Variants in SYCP2 observed in about 807,000 individuals in gnomAD.
SYCP2 encodes the protein synaptonemal complex protein 2.
SYCP2 carries 55 observed loss-of-function variants against 211.3 expected under a neutral mutation model. That is an observed-to-expected ratio of 0.26 (90% CI 0.21 to 0.33). The LOEUF is 0.33. Among genes scored for constraint, SYCP2 ranks in the 10% least tolerant of loss-of-function variants. The pLI is 1.00. For missense variants in SYCP2, 1,731 were observed against 1,752.0 expected (o/e 0.99, Z 0.21); for synonymous variants, 570 against 555.2 (o/e 1.03, Z -0.37).
Position 59,919,486 on chromosome 20 carries a change from T to C in SYCP2, c.402+7A>G. 6.4e-7 allele frequency: 1 copy of C among 1,551,616 alleles called. No individual in the cohort carries two copies. Reference sequence around the variant, plus strand: ...ATAAATATCAGTGTAATCAATGTGATTTTTACCAGCAGAAGATCAACTAAG... The same window carrying C: ...ATAAATATCAGTGTAATCAATGTGACTTTTACCAGCAGAAGATCAACTAAG... On this transcript the variant is annotated splice_region_variant and intron_variant, in intron 6 of 44. Transcript: ENST00000357552.
chr20:59,880,867 A>C (rs2059664333), intron 30 of SYCP2, 99 bp downstream of exon 30: 2 of 597,720 alleles, frequency 3.3e-6, no homozygotes, highest in Non-Finnish European at 5.5e-6. Context: ...TAAATAAAAC[A>C]ATCAAAATGT....
At chr20:59,891,019 T>TA (rs2059896643) in intron 24 of SYCP2, among the ~76,000 whole-genome samples, 1 of 151,844 alleles carries the variant, frequency 6.6e-6, no homozygotes, top group African/African-American at 2.4e-5. Context: ...GCTGCAGGTG[T>TA]AAAAAATATT....
intron 15 of SYCP2, among the ~76,000 whole-genome samples, chr20:59,903,368 C>T (rs1242998075): frequency 2.0e-5 from 3 of 152,056 alleles, no homozygotes; most frequent in African/African-American, 7.2e-5. Context: ...AGAGTAAAAA[C>T]TATTCTCTCA....
intron 29 of SYCP2, among the ~76,000 whole-genome samples, 170 bp downstream of exon 29, chr20:59,881,267 T>A (rs1205785461): frequency 6.6e-6 from 1 of 151,738 alleles, no homozygotes; most frequent in Non-Finnish European, 1.5e-5. Context: ...AAGTGATAAT[T>A]TGCATATTAA....
At chr20:59,876,531 G>A (rs928655643) in intron 33 of SYCP2, among the ~76,000 whole-genome samples, 5 of 151,556 alleles carry the variant, frequency 3.3e-5, no homozygotes, top group Non-Finnish European at 7.4e-5. Flanking sequence ...ACACTGTACT[G>A]TTCAGAAACC....
At chr20:59,899,846 A>C (rs1416256390) in intron 18 of SYCP2, among the ~76,000 whole-genome samples, 3 of 152,198 alleles carry the variant, frequency 2.0e-5, no homozygotes, top group Non-Finnish European at 2.9e-5. Context: ...CATTATAGCC[A>C]AATGCAATTA....
At chr20:59,872,870 C>G (rs1004980984) in intron 35 of SYCP2, among the ~76,000 whole-genome samples, 1 of 151,938 alleles carries the variant, frequency 6.6e-6, no homozygotes, top group African/African-American at 2.4e-5. Context: ...ACAAAAATTA[C>G]AAGTTGACAA....
At chr20:59,867,590 A>C in intron 39 of SYCP2, 121 bp downstream of exon 39, 2 of 733,190 alleles carry the variant, frequency 2.7e-6, no homozygotes, top group South Asian at 3.9e-5. Context: ...ACATATAAGG[A>C]AAGTTGGTTT....
At chr20:59,902,760 C>G (rs1238071965) in intron 15 of SYCP2, among the ~76,000 whole-genome samples, 1 of 152,100 alleles carries the variant, frequency 6.6e-6, no homozygotes, top group Non-Finnish European at 1.5e-5. Flanking sequence ...TTTGAAGGTA[C>G]TAAGAATTAA....
In SYCP2 at chr20:59,899,991, A is replaced by C. The variant is rs532396681; in HGVS notation, c.1404+147T>G. 4 of 853,092 alleles carry C rather than the reference A, an allele frequency of 4.7e-6. No homozygotes were observed. The South Asian group carries it at 6.6e-5, about 14-fold the overall frequency. The allele number at this position is 853,092 out of a possible 1,614,324, so 52.8% of individuals were successfully genotyped here. ...AAGACACACACTATCTTTTGTTTGC[A>C]TTTGTCAAAGGTAGGAGAAACACTC... is the stretch of plus-strand genomic sequence containing the variant. On this transcript the variant is annotated intron_variant, in intron 18 of 44. Coordinates refer to ENST00000357552, the MANE Select transcript of SYCP2 (RefSeq NM_014258.4).
chr20:59,909,777 G>A (rs922150158), intron 14 of SYCP2, among the ~76,000 whole-genome samples: 1 of 151,990 alleles, frequency 6.6e-6, no homozygotes, highest in Non-Finnish European at 1.5e-5. Flanking sequence ...TACTCTATGC[G>A]GGAAAGCAGA....
chr20:59,912,448 T>A lies in SYCP2; in HGVS notation c.831-30A>T, dbSNP rs190268386. 3 of 853,096 alleles carry A rather than the reference T, an allele frequency of 3.5e-6. No homozygotes were observed. The African/African-American group carries it at 5.3e-5, about 15-fold the overall frequency. The allele number at this position is 853,096 out of a possible 1,614,324, so 52.8% of individuals were successfully genotyped here. ...AATAAAAAGTAGTTTAAGAAAAAAATAAATAAGCTTTCACAGCATAATCTT... is the reference window on the plus strand; with the variant it reads ...AATAAAAAGTAGTTTAAGAAAAAAAAAAATAAGCTTTCACAGCATAATCTT... On this transcript the variant is annotated intron_variant, in intron 12 of 44. Transcript: ENST00000357552.
intron 14 of SYCP2, among the ~76,000 whole-genome samples, chr20:59,908,908 TC>T (rs1297712128): frequency 6.6e-6 from 1 of 152,164 alleles, no homozygotes; most frequent in Non-Finnish European, 1.5e-5. Flanking sequence ...TCACGCTCTT[TC>T]CTTAACTTGA....
At chr20:59,873,638 T>A (rs1349508116) in intron 35 of SYCP2, among the ~76,000 whole-genome samples, 1 of 152,100 alleles carries the variant, frequency 6.6e-6, no homozygotes, top group Non-Finnish European at 1.5e-5. Context: ...TGCTACCACA[T>A]TCTTCCTCCT....
At chr20:59,885,415 A>G (rs918103391) in intron 26 of SYCP2, among the ~76,000 whole-genome samples, 3 of 152,164 alleles carry the variant, frequency 2.0e-5, no homozygotes, top group African/African-American at 7.2e-5. Context: ...AACTGGGCTA[A>G]TAGGAGTTGG....
chr20:59,868,393 C>T lies in SYCP2; in HGVS notation c.3988+20G>A. 6.3e-7 allele frequency: 1 copy of T among 1,593,170 alleles called. No individual in the cohort carries two copies. Among genetic ancestry groups the T allele is most frequent in the Middle Eastern group, 1.7e-4 (1 of 5,974 alleles). The stretch of plus-strand genomic sequence containing the variant: ...CCCTCCAAATAACTGCATTTTGATA[C>T]AGGCTACTGATCTACCTACTTTTGT... On this transcript the variant is annotated intron_variant, in intron 38 of 44. Coordinates refer to ENST00000357552, the MANE Select transcript of SYCP2 (RefSeq NM_014258.4).
In SYCP2 at chr20:59,920,992, G is replaced by GT. The variant is rs571313857; in HGVS notation, c.168+317dup. ...TGTAACATCAAGTATACACTGATAGGTTTTTTTTAAAAATCTATGAACTTG... is the reference window on the plus strand; with the variant it reads ...TGTAACATCAAGTATACACTGATAGGTTTTTTTTTAAAAATCTATGAACTTG... On this transcript the variant is annotated intron_variant, in intron 4 of 44. Coordinates refer to ENST00000357552, the MANE Select transcript of SYCP2 (RefSeq NM_014258.4). 8.6e-5 allele frequency among the ~76,000 whole-genome samples: 13 copies of GT among 151,468 alleles called. No individual in the cohort carries two copies. The East Asian group carries it at 1.2e-3, about 13-fold the overall frequency.
chr20:59,927,715 T>A (rs2060659420), intron 2 of SYCP2, among the ~76,000 whole-genome samples: 1 of 152,052 alleles, frequency 6.6e-6, no homozygotes, highest in African/African-American at 2.4e-5. Flanking sequence ...GAGTATACCA[T>A]CGGCCTCTCT....
In SYCP2 at chr20:59,885,807, A is replaced by G. The variant is rs538676271; in HGVS notation, c.2529+121T>C. The G allele has an allele frequency of 7.8e-6, 6 of 769,032 alleles. No homozygotes were observed. In the African/African-American group the frequency reaches 1.1e-4, roughly 14 times the overall value. The allele number at this position is 769,032 out of a possible 1,614,324, so 47.6% of individuals were successfully genotyped here. A position where few individuals can be genotyped will look rare whatever the true frequency, so the allele number is the denominator to read the frequency against. On this transcript the variant is annotated intron_variant, in intron 26 of 44. Transcript: ENST00000357552. The stretch of plus-strand genomic sequence containing the variant: ...TTAAACCTGTCAGTGGTTATCATTC[A>G]TTTAGCAATATTCTGAAAACATCGT...
Sources: gnomAD v4.1 joint callset for allele counts (sites outside exome capture counted in the v4.1 genomes callset) on GRCh38, gnomAD v4.1.1 for gene constraint, MANE v1.5 for transcripts, NCBI Gene and HGNC (gene_info 2026-07-23, HGNC 2026-07-21) for gene names.